Variants in FLG observed in about 807,000 individuals in gnomAD.
The protein encoded by FLG is filaggrin, also known as epidermal filaggrin.
A neutral mutation model predicts 3.8 loss-of-function variants in FLG; 6 were observed. The observed-to-expected ratio is 1.60, with a 90% CI of 0.87 to 3.15. The LOEUF is 3.15. FLG is among the 30% of genes most tolerant of loss of function. FLG has a pLI of 0.00. For missense variants in FLG, 7,595 were observed against 5,050.9 expected (o/e 1.50, Z -15.27); for synonymous variants, 2,551 against 1,931.6 (o/e 1.32, Z -8.41).
Position 152,309,624 on chromosome 1 carries a change from C to T in FLG, c.5262G>A (p.Gln1754=). 3 of 1,614,020 alleles carry T rather than the reference C, an allele frequency of 1.9e-6. No homozygotes were observed. The highest frequency in any genetic ancestry group is 1.1e-5 in the South Asian group (1 of 91,064). ...CTGAACGTCCAGACCTTTCCCCTGACTGGCCACGTGTGGACTCTTGGTGGC... is the reference window on the plus strand; with the variant it reads ...CTGAACGTCCAGACCTTTCCCCTGATTGGCCACGTGTGGACTCTTGGTGGC... ...QQSHQESTRG[Q]SGERSGRSGS... is the part of the protein sequence containing the mutation. Residue 1754 remains glutamine (Q), a synonymous_variant, in exon 3 of 3, where the codon CAG becomes CAA. Transcript: ENST00000368799.
chr1:152,309,041 G>A lies in FLG; in HGVS notation c.5845C>T (p.Gln1949Ter), dbSNP rs143290834. ...SRNHLGSAWE[Q>*]SRDGSRHPGS... ...GGGTGTCTGGAGCCATCTCTTGACT[G>A]CTCCCAAGCAGATCCAAGATGGTTT... is the stretch of plus-strand genomic sequence containing the variant. Residue 1949 changes from glutamine (Q) to a stop codon, truncating the protein, a stop_gained, in exon 3 of 3, where the codon CAG (glutamine) becomes TAG (stop). Transcript: ENST00000368799. LOFTEE classifies it low-confidence loss of function (END_TRUNC). 12 of 1,614,126 alleles carry A rather than the reference G, an allele frequency of 7.4e-6. No homozygotes were observed. The South Asian group carries it at 1.2e-4, about 16-fold the overall frequency.
At position 152,307,345 on chromosome 1, in the gene FLG, C is replaced by T. The variant is rs770894286; in HGVS notation, c.7541G>A (p.Ser2514Asn). Residue 2514 changes from serine to asparagine, a missense_variant, in exon 3 of 3, where the codon AGC (serine) becomes AAC (asparagine). By Grantham distance (46) the Ser-to-Asn change is conservative (BLOSUM62 1). Coordinates refer to ENST00000368799, the MANE Select transcript of FLG (RefSeq NM_002016.2). The stretch of plus-strand genomic sequence containing the variant: ...TTGTTCATCGTTACGAGTTTGTCTG[C>T]TTGCACTTCTGGATCCTGAGTGCCC... Reference protein sequence around the residue: ...SHGHSGSRSASRQTRNDEQSG... With the variant: ...SHGHSGSRSANRQTRNDEQSG... The T allele has an allele frequency of 6.2e-7, 1 of 1,613,132 alleles. No individual in the cohort carries two copies. The highest frequency in any genetic ancestry group is 8.5e-7 in the Non-Finnish European group (1 of 1,179,688).
Position 152,307,645 on chromosome 1 carries a change from A to G in FLG, c.7241T>C (p.Phe2414Ser), listed in dbSNP as rs752014618. Residue 2414 changes from phenylalanine (F) to serine (S), a missense_variant, in exon 3 of 3, where the codon TTC becomes TCC. Phe to Ser is a radical substitution (Grantham distance 155, BLOSUM62 -2). Coordinates refer to ENST00000368799, the MANE Select transcript of FLG (RefSeq NM_002016.2). ...SAGRSGRSGSFLYQVSTHEQS... is the reference protein window; with the variant it reads ...SAGRSGRSGSSLYQVSTHEQS... ...TTCATGAGTGCTCACCTGGTAGAGG[A>G]AAGACCCTGAACGTCCAGACCTTCC... is the stretch of plus-strand genomic sequence containing the variant. 1.9e-6 allele frequency: 3 copies of G among 1,612,988 alleles called. No individual in the cohort carries two copies. The highest frequency in any genetic ancestry group is 2.5e-6 in the Non-Finnish European group (3 of 1,179,780).
Position 152,308,948 on chromosome 1 carries a change from G to A in FLG, c.5938C>T (p.Arg1980Cys), listed in dbSNP as rs146743261. Residue 1980 changes from arginine (R) to cysteine (C), a missense_variant, in exon 3 of 3, where the codon CGT (arginine) becomes TGT (cysteine). Physicochemically the swap from Arg to Cys is radical, Grantham distance 180 (BLOSUM62 -3). Coordinates refer to ENST00000368799, the MANE Select transcript of FLG (RefSeq NM_002016.2). ...CCACGAGAGGAAGACTCTGTGTGACGAGTGCCTGATTGTCTGGAGCTGTCT... is the reference window on the plus strand; with the variant it reads ...CCACGAGAGGAAGACTCTGTGTGACAAGTGCCTGATTGTCTGGAGCTGTCT... ...SADSSRQSGTRHTESSSRGQA... is the reference protein window; with the variant it reads ...SADSSRQSGTCHTESSSRGQA... 5.6e-5 allele frequency: 91 copies of A among 1,614,040 alleles called. No homozygotes were observed. Among genetic ancestry groups the A allele is most frequent in the African/African-American group, 3.6e-4 (27 of 74,918 alleles).
At position 152,312,347 on chromosome 1, in the gene FLG, A is replaced by T. The variant is rs74129459; in HGVS notation, c.2539T>A (p.Ser847Thr). 2.4e-3 allele frequency: 3,784 copies of T among 1,592,410 alleles called. 40 individuals are homozygous for T. In the African/African-American group the frequency reaches 0.043, roughly 18 times the overall value. Residue 847 changes from serine to threonine, a missense_variant, in exon 3 of 3, where the codon TCA becomes ACA. Physicochemically the swap from Ser to Thr is moderately conservative, Grantham distance 58. Coordinates refer to ENST00000368799, the MANE Select transcript of FLG (RefSeq NM_002016.2). ...GACCCCTGCCTTCCTCTTCTGCTTG[A>T]CCCCGGGTGTCCACGAATGGTGTCC... ...GQDTIRGHPGSSRRGRQGSHH... is the reference protein window; with the variant it reads ...GQDTIRGHPGTSRRGRQGSHH...
chr1:152,318,811 GAAGACAA>G (rs1652867940), intron 1 of FLG, among the ~76,000 whole-genome samples: 1 of 151,796 alleles, frequency 6.6e-6, no homozygotes, highest in Non-Finnish European at 1.5e-5. Context: ...CTACTTTTGT[GAAGACAA>G]TAAACAAACA....
chr1:152,311,960 C>T lies in FLG; in HGVS notation c.2926G>A (p.Glu976Lys), dbSNP rs749546444. 65 of 1,613,944 alleles carry T rather than the reference C, an allele frequency of 4.0e-5. 1 individual carries two copies. The highest frequency in any genetic ancestry group is 3.3e-4 in the Middle Eastern group (2 of 6,084). The change falls in exon 3 of 3, where the codon GAG becomes AAG. Residue 976 changes from glutamate to lysine, a missense_variant. Glu to Lys is a moderately conservative substitution (Grantham distance 56, BLOSUM62 1). Coordinates refer to ENST00000368799, the MANE Select transcript of FLG (RefSeq NM_002016.2). Reference sequence around the variant, plus strand: ...TGTCTGGAGCCATGTCTTGACTGCTCCTGAGCAGATCCACGATGGTTTCTG... The same window carrying T: ...TGTCTGGAGCCATGTCTTGACTGCTTCTGAGCAGATCCACGATGGTTTCTG... The part of the protein sequence containing the change: ...ASRNHRGSAQ[E>K]QSRHGSRHPR...
chr1:152,316,562 T>C (rs1450177228), intron 1 of FLG, among the ~76,000 whole-genome samples: 1 of 152,112 alleles, frequency 6.6e-6, no homozygotes, highest in Non-Finnish European at 1.5e-5. Flanking sequence ...AGTTAAAATA[T>C]AGATTGTAAA....
Position 152,310,718 on chromosome 1 carries a change from A to T in FLG, c.4168T>A (p.Ser1390Thr). ...CTGTTAGTGACCTGACTACCACTGG[A>T]CCCTCGGTGTCCACTGTCTCTGACT... ...SAVRDSGHRG[S>T]SGSQVTNSEG... The change falls in exon 3 of 3, where the codon TCC (serine) becomes ACC (threonine). Residue 1390 changes from serine to threonine, a missense_variant. By Grantham distance (58) the Ser-to-Thr change is moderately conservative (BLOSUM62 1). Coordinates refer to ENST00000368799, the MANE Select transcript of FLG (RefSeq NM_002016.2). 6.2e-7 allele frequency: 1 copy of T among 1,613,286 alleles called. No homozygotes were observed. The highest frequency in any genetic ancestry group is 1.1e-5 in the South Asian group (1 of 91,030).
At position 152,310,385 on chromosome 1, in the gene FLG, G is replaced by T. The variant is rs2101646702; in HGVS notation, c.4501C>A (p.Gln1501Lys). ...ACTGATTGCTCGTGGTAGGATCCCT[G>T]CCTTCCTCCTCTGCTTGACCCCGGG... ...GHPGSSRGGR[Q>K]GSYHEQSVDR... The change falls in exon 3 of 3, where the codon CAG (glutamine) becomes AAG (lysine). Residue 1501 changes from glutamine to lysine, a missense_variant. Physicochemically the swap from Gln to Lys is moderately conservative, Grantham distance 53. Coordinates refer to ENST00000368799, the MANE Select transcript of FLG (RefSeq NM_002016.2). 6.2e-7 allele frequency: 1 copy of T among 1,613,702 alleles called. No individual in the cohort carries two copies. Among genetic ancestry groups the T allele is most frequent in the Non-Finnish European group, 8.5e-7 (1 of 1,179,962 alleles).
intron 2 of FLG, chr1:152,314,955 G>A: frequency 5.2e-6 from 3 of 572,976 alleles, no homozygotes; most frequent in Non-Finnish European, 9.0e-6. Context: ...AAGATTTGAT[G>A]GGGTAAGTGA....
chr1:152,305,168 G>A lies in FLG; in HGVS notation c.9718C>T (p.Arg3240Cys), dbSNP rs371502163. The change falls in exon 3 of 3, where the codon CGT (arginine) becomes TGT (cysteine). Residue 3240 changes from arginine to cysteine, a missense_variant. By Grantham distance (180) the Arg-to-Cys change is radical. Coordinates refer to ENST00000368799, the MANE Select transcript of FLG (RefSeq NM_002016.2). ...CTTGACTGCTCCTGAACAGATCCAC[G>A]ATGGTTTCTGGAAGCAGACCCAGAC... ...RWSGSASRNH[R>C]GSVQEQSRHG... 2.2e-5 allele frequency: 36 copies of A among 1,613,668 alleles called. 1 individual carries two copies. The highest frequency in any genetic ancestry group is 9.4e-5 in the African/African-American group (7 of 74,838).
chr1:152,313,986 G>A lies in FLG; in HGVS notation c.900C>T (p.Asp300=). Residue 300 remains aspartate (D), a synonymous_variant, in exon 3 of 3, where the codon GAC becomes GAT. Coordinates refer to ENST00000368799, the MANE Select transcript of FLG (RefSeq NM_002016.2). ...CTTCTGAGTGTCCCTCACTGTCCCT[G>A]TCCTGGCTAACTCTGGATCCCCTAC... ...RKRRGSRVSQ[D]RDSEGHSEDS... is the part of the protein sequence containing the mutation. 6.2e-7 allele frequency: 1 copy of A among 1,614,170 alleles called. No individual in the cohort carries two copies. Among genetic ancestry groups the A allele is most frequent in the Non-Finnish European group, 8.5e-7 (1 of 1,180,018 alleles).
chr1:152,307,063 G>T lies in FLG; in HGVS notation c.7823C>A (p.Ser2608Tyr), dbSNP rs751688819. Residue 2608 changes from serine to tyrosine, a missense_variant, in exon 3 of 3, where the codon TCC becomes TAC. Coordinates refer to ENST00000368799, the MANE Select transcript of FLG (RefSeq NM_002016.2). ...ATGACCAGCTCTGTCTTCTTGATGG[G>T]ACCTGGGGTGTCTGGAGCCATCTCT... is the stretch of plus-strand genomic sequence containing the variant. ...QLRDGSRHPR[S>Y]HQEDRAGHGH... The T allele has an allele frequency of 6.2e-7, 1 of 1,608,530 alleles. No individual in the cohort carries two copies. Among genetic ancestry groups the T allele is most frequent in the South Asian group, 1.1e-5 (1 of 90,756 alleles).
At chr1:152,316,004 A>C (rs1335933665) in intron 1 of FLG, among the ~76,000 whole-genome samples, 3 of 152,202 alleles carry the variant, frequency 2.0e-5, no homozygotes, top group Admixed American at 2.0e-4. Flanking sequence ...TTCATTGTAT[A>C]GGATGGATTT....
intron 1 of FLG, 119 bp downstream of exon 1, chr1:152,325,070 A>G (rs1653104352): frequency 6.6e-6 from 1 of 151,904 alleles, no homozygotes; most frequent in Non-Finnish European, 1.5e-5. Flanking sequence ...TGACAGTGCC[A>G]CTAAAAAGAA....
In FLG at chr1:152,303,487, G is replaced by T. The variant is rs1427293771; in HGVS notation, c.11399C>A (p.Ser3800Tyr). ...ACTTCTGGATCCTGACTGCCCATGG[G>T]AGGCATCAGACCTTCCCTGGGATGT... ...HTTSQGRSDA[S>Y]HGQSGSRSAS... The change falls in exon 3 of 3, where the codon TCC (serine) becomes TAC (tyrosine). Residue 3800 changes from serine (S) to tyrosine (Y), a missense_variant. Physicochemically the swap from Ser to Tyr is moderately radical, Grantham distance 144 (BLOSUM62 -2). Transcript: ENST00000368799. 1 of 1,613,940 alleles carries T rather than the reference G, an allele frequency of 6.2e-7. No homozygotes were observed. Among genetic ancestry groups the T allele is most frequent in the Admixed American group, 1.7e-5 (1 of 59,990 alleles).
At chr1:152,317,648 C>G (rs1157450954) in intron 1 of FLG, among the ~76,000 whole-genome samples, 1 of 151,798 alleles carries the variant, frequency 6.6e-6, no homozygotes, top group African/African-American at 2.4e-5. Flanking sequence ...TTATTATACT[C>G]CCTCGGGTCA....
chr1:152,310,490 G>C lies in FLG; in HGVS notation c.4396C>G (p.Gln1466Glu), dbSNP rs1652328185. 1.9e-6 allele frequency: 3 copies of C among 1,613,786 alleles called. No individual in the cohort carries two copies. Among genetic ancestry groups the C allele is most frequent in the African/African-American group, 1.3e-5 (1 of 74,942 alleles). Residue 1466 changes from glutamine (Q) to glutamate (E), a missense_variant, in exon 3 of 3, where the codon CAA (glutamine) becomes GAA (glutamate). By Grantham distance (29) the Gln-to-Glu change is conservative (BLOSUM62 2). Coordinates refer to ENST00000368799, the MANE Select transcript of FLG (RefSeq NM_002016.2). The stretch of plus-strand genomic sequence containing the variant: ...CGTGCCTGCTCATGGCGGGATCCTT[G>C]TCTTCCTCCAGTGCTGGGTGCAGTC... ...GQTAPSTGGRQGSRHEQARNS... is the reference protein window; with the variant it reads ...GQTAPSTGGREGSRHEQARNS...
Sources: allele counts gnomAD v4.1 joint callset (sites outside exome capture counted in the v4.1 genomes callset), GRCh38; gene constraint gnomAD v4.1.1; transcripts MANE v1.5; gene names NCBI Gene and HGNC (gene_info 2026-07-23, HGNC 2026-07-21).